The following MPHOSPH9 variants were observed in gnomAD, a reference collection of about 807,000 sequenced individuals.
MPHOSPH9 encodes the protein M-phase phosphoprotein 9.
A neutral mutation model predicts 145.5 loss-of-function variants in MPHOSPH9; 88 were observed. That is an observed-to-expected ratio of 0.60 (90% CI 0.51 to 0.72). The LOEUF is 0.72. Ranked by LOEUF, MPHOSPH9 falls within the 30% of genes least tolerant of loss-of-function variation. MPHOSPH9 has a pLI of 0.00. For missense variants in MPHOSPH9, 1,238 were observed against 1,386.6 expected (o/e 0.89, Z 1.70); for synonymous variants, 435 against 486.2 (o/e 0.89, Z 1.39).
chr12:123,165,500 T>TA, intron 17 of MPHOSPH9, 23 bp from the exon 18 acceptor site: 12 of 1,603,118 alleles, frequency 7.5e-6, no homozygotes, highest in Non-Finnish European at 1.0e-5. Flanking sequence ...TTTTAAGACA[T>TA]ACAGTGCTAT....
chr12:123,238,131 G>A (rs764108024), upstream of MPHOSPH9, among the ~76,000 whole-genome samples: 1 of 152,036 alleles, frequency 6.6e-6, no homozygotes, highest in Non-Finnish European at 1.5e-5. Context: ...CCTGAGCTCA[G>A]GCAATCCACC....
Position 123,227,555 on chromosome 12 carries a change from C to A in MPHOSPH9, c.166G>T (p.Val56Leu), listed in dbSNP as rs1364054570. ...SSFSGKTRPS[V>L]IQGTVEVLTS... is the part of the protein sequence containing the mutation. ...AGGACTTCAACTGTACCTTGAATTA[C>A]AGATGGTCTGGTCTTCCCTGAGAAA... Residue 56 changes from valine to leucine, a missense_variant, in exon 3 of 24, where the codon GTA (valine) becomes TTA (leucine). Val to Leu is a conservative substitution (Grantham distance 32). Around this residue, in one of 3 missense-constraint regions of MPHOSPH9, gnomAD observed 837 missense variants for 897.5 expected, o/e 0.93. Coordinates refer to ENST00000606320, the MANE Select transcript of MPHOSPH9 (RefSeq NM_022782.4). The A allele has an allele frequency of 4.6e-6, 7 of 1,532,954 alleles. No homozygotes were observed. In the East Asian group the frequency reaches 1.7e-4, roughly 38 times the overall value. The allele number at this position is 1,532,954 out of a possible 1,614,324, so 95.0% of individuals were successfully genotyped here.
intron 12 of MPHOSPH9, among the ~76,000 whole-genome samples, chr12:123,196,424 A>G: frequency 6.6e-6 from 1 of 152,170 alleles, no homozygotes; most frequent in East Asian, 1.9e-4. Context: ...ACATATACAC[A>G]CTACTCTATG....
At chr12:123,211,689 T>C (rs1378219770) in intron 7 of MPHOSPH9, among the ~76,000 whole-genome samples, 3 of 137,816 alleles carry the variant, frequency 2.2e-5, no homozygotes, top group Non-Finnish European at 4.7e-5. Context: ...AATTTCTTTT[T>C]TTTTTTTTTT....
chr12:123,178,311 G>C (rs1737304206), intron 15 of MPHOSPH9, among the ~76,000 whole-genome samples: 1 of 152,214 alleles, frequency 6.6e-6, no homozygotes, highest in Non-Finnish European at 1.5e-5. Flanking sequence ...TAACAAGACT[G>C]ATGTTTTATA....
chr12:123,216,965 G>A (rs931313813), intron 6 of MPHOSPH9, among the ~76,000 whole-genome samples: 2 of 150,224 alleles, frequency 1.3e-5, no homozygotes, highest in South Asian at 4.2e-4. Flanking sequence ...ACCCAGCCTG[G>A]GCAACAGAGC....
At chr12:123,158,589 A>C (rs1463766262) in intron 23 of MPHOSPH9, among the ~76,000 whole-genome samples, 3 of 152,182 alleles carry the variant, frequency 2.0e-5, no homozygotes, top group Admixed American at 2.0e-4. Context: ...ACCCTGTCTC[A>C]AAAAAATTAA....
intron 13 of MPHOSPH9, among the ~76,000 whole-genome samples, chr12:123,187,987 C>T (rs2045522895): frequency 6.6e-6 from 1 of 152,042 alleles, no homozygotes. Flanking sequence ...ATTAGTGAGG[C>T]ATGGTGGTGG....
At chr12:123,190,508 A>G (rs966344243) in intron 13 of MPHOSPH9, among the ~76,000 whole-genome samples, 7 of 152,090 alleles carry the variant, frequency 4.6e-5, no homozygotes, top group South Asian at 2.1e-4. Flanking sequence ...ATTATTCTCT[A>G]TATCTTTTTA....
intron 14 of MPHOSPH9, 27 bp downstream of exon 14, chr12:123,181,136 T>A (rs542839990): frequency 6.3e-7 from 1 of 1,588,586 alleles, no homozygotes; most frequent in African/African-American, 1.3e-5. Flanking sequence ...CTGCATGAAA[T>A]CTAGAACATG....
chr12:123,178,227 A>G (rs1363160264), intron 15 of MPHOSPH9, among the ~76,000 whole-genome samples: 2 of 152,216 alleles, frequency 1.3e-5, no homozygotes, highest in African/African-American at 2.4e-5. Flanking sequence ...AGCTCTGTGT[A>G]TGACTTCATC....
At chr12:123,235,634 G>C (rs374563035), upstream of MPHOSPH9, among the ~76,000 whole-genome samples, 1 of 149,714 alleles carries the variant, frequency 6.7e-6, no homozygotes, top group Admixed American at 6.7e-5. Context: ...GGCCTCCCAC[G>C]GTGCTGGGAT....
chr12:123,213,328 T>TATTA (rs2046825032), intron 7 of MPHOSPH9, among the ~76,000 whole-genome samples: 3 of 151,992 alleles, frequency 2.0e-5, no homozygotes, highest in Non-Finnish European at 4.4e-5. Context: ...AAGCTAGGTG[T>TATTA]ACTAAATGCA....
In MPHOSPH9 at chr12:123,214,830, T is replaced by C. The variant is rs199921499; in HGVS notation, c.1001A>G (p.Asp334Gly). The C allele has an allele frequency of 2.1e-5, 34 of 1,611,436 alleles. No homozygotes were observed. Among genetic ancestry groups the C allele is most frequent in the Non-Finnish European group, 2.6e-5 (31 of 1,177,840 alleles). Residue 334 changes from aspartate to glycine, a missense_variant, in exon 7 of 24, where the codon GAT (aspartate) becomes GGT (glycine). Asp to Gly is a moderately conservative substitution (Grantham distance 94, BLOSUM62 -1). Around this residue, in one of 3 missense-constraint regions of MPHOSPH9, gnomAD observed 837 missense variants for 897.5 expected, o/e 0.93. Transcript: ENST00000606320. Reference protein sequence around the residue: ...QSKKTPIEKSDFAAATHPRAF... With the variant: ...QSKKTPIEKSGFAAATHPRAF... ...ACGAGGATGTGTAGCAGCAGCAAAA[T>C]CAGACTACAAGAAAGAAAACTATTG... is the stretch of plus-strand genomic sequence containing the variant.
chr12:123,158,756 A>C (rs1234133014), intron 23 of MPHOSPH9, among the ~76,000 whole-genome samples: 1 of 151,202 alleles, frequency 6.6e-6, no homozygotes, highest in East Asian at 2.0e-4. Flanking sequence ...CTCAGCCTCC[A>C]AGTAGCTGAG....
chr12:123,157,351 GAA>G (rs76218367), intron 23 of MPHOSPH9, among the ~76,000 whole-genome samples: 1 of 113,808 alleles, frequency 8.8e-6, no homozygotes. Flanking sequence ...AGTTAAAAAG[GAA>G]AAAAAAAAAA....
intron 13 of MPHOSPH9, among the ~76,000 whole-genome samples, chr12:123,191,980 G>T (rs1217926433): frequency 6.6e-6 from 1 of 151,910 alleles, no homozygotes; most frequent in African/African-American, 2.4e-5. Context: ...TCCAGGCTGG[G>T]CAACAGGGCA....
At chr12:123,207,166 A>AAAAAAT (rs2046472421) in intron 8 of MPHOSPH9, among the ~76,000 whole-genome samples, 1 of 149,462 alleles carries the variant, frequency 6.7e-6, no homozygotes. Context: ...AAAAAAAAAA[A>AAAAAAT]GCATTGTATC....
chr12:123,166,700 T>C lies in MPHOSPH9; in HGVS notation c.2546A>G (p.Gln849Arg). The change falls in exon 17 of 24, where the codon CAG (glutamine) becomes CGG (arginine). Residue 849 changes from glutamine (Q) to arginine (R), a missense_variant. This residue lies in a region of MPHOSPH9 where 393 missense variants were observed against 462.5 expected (regional missense o/e 0.85). Transcript: ENST00000606320. ...SIFTGQPLDTQDSNVDNQLEE... is the reference protein window; with the variant it reads ...SIFTGQPLDTRDSNVDNQLEE... ...CAGCTGGTTATCCACGTTACTGTCC[T>C]GGGTGTCCAGAGGCTGGCCAGTAAA... 1 of 1,614,118 alleles carries C rather than the reference T, an allele frequency of 6.2e-7. No individual in the cohort carries two copies. Among genetic ancestry groups the C allele is most frequent in the Non-Finnish European group, 8.5e-7 (1 of 1,180,018 alleles).
Sources: allele counts gnomAD v4.1 joint callset (sites outside exome capture counted in the v4.1 genomes callset), GRCh38; gene constraint gnomAD v4.1.1; regional missense constraint gnomAD v4.1.1; transcripts MANE v1.5; gene names NCBI Gene and HGNC (gene_info 2026-07-23, HGNC 2026-07-21).